The following KATNAL2 variants were observed in gnomAD, a reference collection of about 807,000 sequenced individuals.
KATNAL2 encodes katanin catalytic subunit A1 like 2.
KATNAL2 carries 52 observed loss-of-function variants against 76.3 expected under a neutral mutation model. The observed-to-expected ratio is 0.68, with a 90% CI of 0.55 to 0.86. The LOEUF (loss-of-function observed/expected upper bound fraction) is 0.86, where lower values mean the gene tolerates loss of function less well. Ranked by LOEUF, KATNAL2 falls within the 40% of genes least tolerant of loss-of-function variation. The probability of loss-of-function intolerance (pLI) is 0.00; values close to 1 mark genes in which losing one functional copy is unlikely to be tolerated. For synonymous variants in KATNAL2, 243 were observed against 244.2 expected (o/e 1.00, Z 0.05); for missense variants, 660 against 668.9 (o/e 0.99, Z 0.15).
intron 4 of KATNAL2, among the ~76,000 whole-genome samples, chr18:47,050,726 C>A (rs1179669344): frequency 6.6e-6 from 1 of 152,192 alleles, no homozygotes; most frequent in Non-Finnish European, 1.5e-5. Context: ...TAAAAGAGAT[C>A]TGCCTTAACG....
At chr18:46,941,866 A>G (rs1047204975) in intron 1 of KATNAL2, among the ~76,000 whole-genome samples, 1 of 152,162 alleles carries the variant, frequency 6.6e-6, no homozygotes, top group African/African-American at 2.4e-5. Flanking sequence ...ACTTCTATAG[A>G]AGGGTGCCTA....
intron 15 of KATNAL2, among the ~76,000 whole-genome samples, chr18:47,089,529 G>A (rs1838984649): frequency 6.6e-6 from 1 of 152,110 alleles, no homozygotes; most frequent in African/African-American, 2.4e-5. Context: ...GATAGCTGCA[G>A]ACTCTCCTAC....
chr18:46,952,492 C>G (rs10164108), intron 3 of KATNAL2, among the ~76,000 whole-genome samples: 1 of 149,670 alleles, frequency 6.7e-6, no homozygotes. Context: ...CTCCGCCTCC[C>G]GGGTTCAAGC....
At chr18:47,045,331 T>TTTCTTTTCTTTTCTTTTC (rs758686226) in intron 3 of KATNAL2, among the ~76,000 whole-genome samples, 1,160 of 39,520 alleles carry the variant, frequency 0.029, 6 homozygotes, top group Non-Finnish European at 0.046. Context: ...TTTCTTTTCT[T>TTTCTTTTCTTTTCTTTTC]TTTTTTTTTT....
intron 15 of KATNAL2, among the ~76,000 whole-genome samples, chr18:47,080,129 GA>G (rs1484388608): frequency 3.3e-5 from 5 of 152,176 alleles, no homozygotes; most frequent in Non-Finnish European, 7.4e-5. Context: ...TGGTAACCCT[GA>G]AATATAGTTC....
intron 4 of KATNAL2, among the ~76,000 whole-genome samples, chr18:47,048,960 G>A (rs1166903864): frequency 7.0e-6 from 1 of 143,292 alleles, no homozygotes; most frequent in African/African-American, 2.6e-5. Context: ...TCAGCCTCCC[G>A]AGTAGCTGGG....
At chr18:46,961,533 T>A (rs576390602) in intron 3 of KATNAL2, among the ~76,000 whole-genome samples, 1 of 152,318 alleles carries the variant, frequency 6.6e-6, no homozygotes, top group African/African-American at 2.4e-5. Context: ...AGCAACTTCC[T>A]ATTACTAGCA....
intron 3 of KATNAL2, chr18:47,032,814 TG>T: frequency 2.0e-6 from 2 of 1,019,170 alleles, no homozygotes; most frequent in Non-Finnish European, 1.4e-6. Context: ...TTCTCCAAGC[TG>T]GGAGGTAGTG....
At chr18:46,953,807 T>G (rs1335267758) in intron 3 of KATNAL2, among the ~76,000 whole-genome samples, 2 of 152,096 alleles carry the variant, frequency 1.3e-5, no homozygotes, top group African/African-American at 4.8e-5. Flanking sequence ...ATTAGAATTT[T>G]TGTGTTTTAG....
intron 8 of KATNAL2, 91 bp downstream of exon 8, chr18:47,059,745 G>A: frequency 1.1e-6 from 1 of 948,494 alleles, no homozygotes; most frequent in Non-Finnish European, 1.7e-6. Flanking sequence ...TGTCAAACAG[G>A]AAAGTTAAGA....
Position 47,099,095 on chromosome 18 carries a change from A to T in KATNAL2, c.1212-148A>T, listed in dbSNP as rs1445473306. On this transcript the variant is annotated intron_variant, in intron 15 of 17. Coordinates refer to ENST00000683218, the MANE Select transcript of KATNAL2 (RefSeq NM_001387690.1). ...CCAATTCTTTCTCCAAATAATATTA[A>T]TTGTCCCATCCACTCAAGGCATAGA... 5 of 655,098 alleles carry T rather than the reference A, an allele frequency of 7.6e-6. No homozygotes were observed. In the African/African-American group the frequency reaches 9.1e-5, roughly 12 times the overall value. The allele number at this position is 655,098 out of a possible 1,614,324, so 40.6% of individuals were successfully genotyped here.
At chr18:46,922,245 A>G (rs929286059) in intron 1 of KATNAL2, among the ~76,000 whole-genome samples, 12 of 151,888 alleles carry the variant, frequency 7.9e-5, no homozygotes, top group Admixed American at 2.0e-4. Flanking sequence ...GACCACGGGC[A>G]CACCACCACT....
At chr18:47,053,083 A>G (rs1273089322) in intron 5 of KATNAL2, 37 bp downstream of exon 5, 2 of 1,482,628 alleles carry the variant, frequency 1.3e-6, no homozygotes, top group Non-Finnish European at 1.8e-6. Context: ...GCTTTGTCTC[A>G]TCTGTAAGAT....
intron 3 of KATNAL2, among the ~76,000 whole-genome samples, chr18:46,956,912 A>G (rs183013899): frequency 9.3e-4 from 142 of 151,918 alleles, no homozygotes; most frequent in African/African-American, 3.4e-3. Flanking sequence ...GCGTGGTGGC[A>G]TGCACCTGTA....
At chr18:47,045,134 T>C (rs1569073527) in intron 3 of KATNAL2, among the ~76,000 whole-genome samples, 1 of 151,928 alleles carries the variant, frequency 6.6e-6, no homozygotes, top group African/African-American at 2.4e-5. Context: ...ATGGTTAAAA[T>C]GGTAAATTTT....
chr18:46,935,596 T>C (rs184469573), intron 1 of KATNAL2, among the ~76,000 whole-genome samples: 4 of 152,148 alleles, frequency 2.6e-5, no homozygotes, highest in African/African-American at 9.6e-5. Context: ...GATAGTTTTA[T>C]GTATTTAAAT....
chr18:47,064,286 C>T (rs1302742613), intron 10 of KATNAL2, among the ~76,000 whole-genome samples: 2 of 152,026 alleles, frequency 1.3e-5, no homozygotes, highest in African/African-American at 2.4e-5. Flanking sequence ...GACAGGAAAT[C>T]GCTAAGGGAA....
chr18:47,031,631 C>T (rs117361671), intron 3 of KATNAL2, among the ~76,000 whole-genome samples: 3 of 152,154 alleles, frequency 2.0e-5, no homozygotes, highest in Non-Finnish European at 4.4e-5. Context: ...ACTGGCAATT[C>T]TTCAGAGCTA....
chr18:47,062,568 T>C (rs1240293676), intron 8 of KATNAL2, among the ~76,000 whole-genome samples: 2 of 152,038 alleles, frequency 1.3e-5, no homozygotes, highest in African/African-American at 4.8e-5. Context: ...CCCAGCACTC[T>C]ATTGAGTGGT....
Sources: allele counts gnomAD v4.1 joint callset (sites outside exome capture counted in the v4.1 genomes callset), GRCh38; gene constraint gnomAD v4.1.1; transcripts MANE v1.5; gene names NCBI Gene and HGNC (gene_info 2026-07-23, HGNC 2026-07-21).